ADCY5: variants seen among roughly 807,000 people sequenced by gnomAD.
The protein encoded by ADCY5 is adenylate cyclase type 5.
ADCY5 carries 30 observed loss-of-function variants against 119.7 expected under a neutral mutation model. That is an observed-to-expected ratio of 0.25 (90% CI 0.19 to 0.34). The LOEUF is 0.34. Ranked by LOEUF, ADCY5 falls within the 10% of genes least tolerant of loss-of-function variation. ADCY5 has a pLI of 1.00. For missense variants in ADCY5, 1,324 were observed against 1,775.2 expected (o/e 0.75, Z 4.57); for synonymous variants, 753 against 762.2 (o/e 0.99, Z 0.20).
At chr3:123,425,047 G>A (rs1029575703) in intron 1 of ADCY5, among the ~76,000 whole-genome samples, 2 of 152,240 alleles carry the variant, frequency 1.3e-5, no homozygotes, top group Non-Finnish European at 2.9e-5. Context: ...CATCCTGAGT[G>A]CAGCCCAGGC....
intron 1 of ADCY5, among the ~76,000 whole-genome samples, chr3:123,371,780 C>T (rs1943650429): frequency 6.6e-6 from 1 of 151,272 alleles, no homozygotes; most frequent in Non-Finnish European, 1.5e-5. Flanking sequence ...GCCTGATTGT[C>T]CCCCACCCCC....
At chr3:123,305,385 C>T (rs939080065) in intron 12 of ADCY5, among the ~76,000 whole-genome samples, 4 of 152,206 alleles carry the variant, frequency 2.6e-5, no homozygotes, top group Non-Finnish European at 5.9e-5. Flanking sequence ...CACCATGTGA[C>T]CACTTACTCC....
chr3:123,363,300 G>T (rs1330687790), intron 1 of ADCY5, among the ~76,000 whole-genome samples: 1 of 151,964 alleles, frequency 6.6e-6, no homozygotes, highest in East Asian at 1.9e-4. Flanking sequence ...AATAAAAGCA[G>T]TATTTTACCT....
At position 123,286,992 on chromosome 3, in the gene ADCY5, T is replaced by C. The variant is rs1938816986; in HGVS notation, c.3533-183A>G. ...CCTGCTCCTGTCAAATGCCTGTGAA[T>C]GCAAGACACAAGGAGCCTGCACCTG... is the stretch of plus-strand genomic sequence containing the variant. On this transcript the variant is annotated intron_variant, in intron 19 of 20. Coordinates refer to ENST00000462833, the MANE Select transcript of ADCY5 (RefSeq NM_183357.3). The surrounding 1 kb of genome is among the most constrained non-coding windows in gnomAD (Gnocchi z 4.2). The C allele has an allele frequency of 4.5e-5, 35 of 785,040 alleles. No individual in the cohort carries two copies. In the East Asian group the frequency reaches 1.0e-3, roughly 23 times the overall value. The allele number at this position is 785,040 out of a possible 1,614,324, so 48.6% of individuals were successfully genotyped here. A position where few individuals can be genotyped will look rare whatever the true frequency, so the allele number is the denominator to read the frequency against.
intron 1 of ADCY5, among the ~76,000 whole-genome samples, chr3:123,437,103 A>C (rs989043355): frequency 9.2e-5 from 14 of 152,202 alleles, no homozygotes; most frequent in African/African-American, 3.4e-4. Context: ...GAAAGCCCCC[A>C]AAAAGAAGAG....
At chr3:123,396,008 G>GAAAGAA (rs1384507535) in intron 1 of ADCY5, among the ~76,000 whole-genome samples, 9 of 126,284 alleles carry the variant, frequency 7.1e-5, no homozygotes, top group East Asian at 2.6e-4. Flanking sequence ...GAAAGAAAGA[G>GAAAGAA]AGAAAGAGAG....
chr3:123,399,822 T>C (rs1420801605), intron 1 of ADCY5, among the ~76,000 whole-genome samples: 1 of 152,162 alleles, frequency 6.6e-6, no homozygotes, highest in Non-Finnish European at 1.5e-5. Context: ...CTGCTTACAG[T>C]ATGGGTGTGC....
rs1945872536 is a variant in ADCY5 at position 123,448,494 on chromosome 3, C to T, written c.52G>A (p.Ala18Thr). 4.7e-6 allele frequency: 6 copies of T among 1,269,436 alleles called. No homozygotes were observed. The South Asian group carries it at 1.6e-4, about 35-fold the overall frequency. The allele number at this position is 1,269,436 out of a possible 1,614,324, so 78.6% of individuals were successfully genotyped here. The change falls in exon 1 of 21, where the codon GCG (alanine) becomes ACG (threonine). Residue 18 changes from alanine to threonine, a missense_variant. Around this residue, in one of 6 missense-constraint regions of ADCY5, gnomAD observed 585 missense variants for 569.9 expected, o/e 1.03. Transcript: ENST00000462833. ...SPPGYAAQKT[A>T]APAPRGGPEH... ...GGGCCTCCCCGGGGCGCCGGCGCCG[C>T]AGTCTTCTGCGCCGCGTAGCCCGGG...
At chr3:123,373,765 C>CG (rs1553739697) in intron 1 of ADCY5, among the ~76,000 whole-genome samples, 1,190 of 35,266 alleles carry the variant, frequency 0.034, 49 homozygotes, top group African/African-American at 0.064. Flanking sequence ...CACGCCCCCC[C>CG]CCCCCCGACC....
At chr3:123,339,770 C>T (rs1465332764) in intron 3 of ADCY5, among the ~76,000 whole-genome samples, 2 of 131,038 alleles carry the variant, frequency 1.5e-5, no homozygotes, top group East Asian at 2.4e-4. Context: ...CCCTACTGTA[C>T]ATACAATGGA....
At chr3:123,353,066 T>C (rs1942896879) in intron 1 of ADCY5, among the ~76,000 whole-genome samples, 1 of 152,132 alleles carries the variant, frequency 6.6e-6, no homozygotes, top group Admixed American at 6.5e-5. Flanking sequence ...AGCACTGTGC[T>C]AAATGCTCTA....
chr3:123,396,939 C>A (rs894632730), intron 1 of ADCY5, among the ~76,000 whole-genome samples: 1 of 152,154 alleles, frequency 6.6e-6, no homozygotes, highest in Non-Finnish European at 1.5e-5. Context: ...ACACATGCCT[C>A]ACCCTTCCCA....
intron 1 of ADCY5, among the ~76,000 whole-genome samples, chr3:123,357,955 C>A (rs1706123084): frequency 2.0e-5 from 3 of 152,142 alleles, no homozygotes; most frequent in Non-Finnish European, 4.4e-5. Context: ...AAATAATGAG[C>A]CCCTTCTTAC....
At chr3:123,368,912 G>C (rs1050797451) in intron 1 of ADCY5, among the ~76,000 whole-genome samples, 1 of 152,132 alleles carries the variant, frequency 6.6e-6, no homozygotes, top group Admixed American at 6.5e-5. Context: ...TACCTTTAAG[G>C]CCTTGAATAT....
chr3:123,354,061 C>G (rs1456093160), intron 1 of ADCY5, among the ~76,000 whole-genome samples: 2 of 152,160 alleles, frequency 1.3e-5, no homozygotes. Context: ...GTTGCTGACT[C>G]ATAACTCCCA....
intron 1 of ADCY5, among the ~76,000 whole-genome samples, chr3:123,399,393 C>A (rs2107605377): frequency 6.6e-6 from 1 of 152,260 alleles, no homozygotes; most frequent in Non-Finnish European, 1.5e-5. Context: ...GGACCATGGT[C>A]ATCTATTTTA....
intron 1 of ADCY5, among the ~76,000 whole-genome samples, chr3:123,422,881 G>A (rs763169302): frequency 7.2e-5 from 11 of 152,218 alleles, no homozygotes; most frequent in Non-Finnish European, 1.3e-4. Flanking sequence ...TCAAGTAGGG[G>A]AGATACAGAC....
chr3:123,364,983 G>A (rs1247162201), intron 1 of ADCY5, among the ~76,000 whole-genome samples: 1 of 150,976 alleles, frequency 6.6e-6, no homozygotes, highest in Non-Finnish European at 1.5e-5. Context: ...GCCCAGGCTG[G>A]AATGCAGTGG....
At chr3:123,348,700 C>A (rs1389261927) in intron 2 of ADCY5, among the ~76,000 whole-genome samples, 2 of 152,154 alleles carry the variant, frequency 1.3e-5, no homozygotes, top group Non-Finnish European at 2.9e-5. Context: ...CGGAGGCTCA[C>A]GTCAGCCTGT....
Sources: gnomAD v4.1 joint callset for allele counts (sites outside exome capture counted in the v4.1 genomes callset) on GRCh38, gnomAD v4.1.1 for gene constraint, gnomAD v4.1.1 regional missense constraint, Gnocchi (gnomAD v3.1) non-coding constraint, MANE v1.5 for transcripts, NCBI Gene and HGNC (gene_info 2026-07-23, HGNC 2026-07-21) for gene names.